MTA3: variants seen among roughly 807,000 people sequenced by gnomAD.
MTA3 encodes metastasis associated 1 family member 3.
Under a neutral mutation model 83.5 loss-of-function variants are expected in MTA3, and 34 were observed. The ratio of observed to expected loss-of-function variants is 0.41; its 90% CI spans 0.31 to 0.54. The LOEUF is 0.54. Ranked by LOEUF, MTA3 falls within the 20% of genes least tolerant of loss-of-function variation. MTA3 has a pLI of 0.33. For missense variants in MTA3, 761 were observed against 726.4 expected (o/e 1.05, Z -0.55); for synonymous variants, 303 against 252.7 (o/e 1.20, Z -1.89).
chr2:42,605,772 T>C (rs1165498772), intron 3 of MTA3, among the ~76,000 whole-genome samples: 4 of 108,062 alleles, frequency 3.7e-5, no homozygotes, highest in African/African-American at 7.2e-5. Flanking sequence ...GGCTCCTCAC[T>C]TCCCAGAAGG....
intron 3 of MTA3, among the ~76,000 whole-genome samples, chr2:42,590,859 G>A (rs1680905095): frequency 6.6e-6 from 1 of 152,008 alleles, no homozygotes; most frequent in Non-Finnish European, 1.5e-5. Context: ...GACCTCAAGT[G>A]ATCTGCCCGC....
intron 2 of MTA3, among the ~76,000 whole-genome samples, chr2:42,498,464 A>G (rs1048392099): frequency 3.9e-5 from 6 of 152,222 alleles, no homozygotes; most frequent in Non-Finnish European, 7.3e-5. Flanking sequence ...AGAGGGAAAT[A>G]ACAGGTTGGG....
intron 3 of MTA3, among the ~76,000 whole-genome samples, chr2:42,601,885 GT>G (rs1160342694): frequency 6.6e-6 from 1 of 151,702 alleles, no homozygotes; most frequent in African/African-American, 2.4e-5. Flanking sequence ...TGTTGTCCAG[GT>G]TGGAGTGCAG....
At chr2:42,602,949 G>A (rs1172202753) in intron 3 of MTA3, among the ~76,000 whole-genome samples, 4 of 152,018 alleles carry the variant, frequency 2.6e-5, no homozygotes, top group Admixed American at 2.0e-4. Context: ...AATTTCCTCT[G>A]TCATGCTTCC....
rs745837951 is a variant in MTA3 at position 42,670,700 on chromosome 2, G to A, written c.702+10838G>A. 5.0e-4 allele frequency among the ~76,000 whole-genome samples: 76 copies of A among 151,924 alleles called. 1 individual carries two copies. Among genetic ancestry groups the A allele is most frequent in the Non-Finnish European group, 7.5e-4 (51 of 67,994 alleles). On this transcript the variant is annotated intron_variant, in intron 8 of 16. Coordinates refer to ENST00000405094, the MANE Select transcript of MTA3 (RefSeq NM_001330442.2). ...CTAGTCTGATCTGCTGGGGCCTAGT[G>A]CGAGAGCTCAGTCCAAAATAATGGC...
intron 2 of MTA3, among the ~76,000 whole-genome samples, chr2:42,554,387 C>A (rs139888321): frequency 2.6e-5 from 4 of 152,294 alleles, no homozygotes; most frequent in African/African-American, 7.2e-5. Context: ...AAGTGTTGAA[C>A]TGAGTTGAAC....
intron 15 of MTA3, among the ~76,000 whole-genome samples, chr2:42,722,327 A>G (rs1667470996): frequency 6.6e-6 from 1 of 152,174 alleles, no homozygotes. Flanking sequence ...AAAGCATTTC[A>G]TCTACCTCTT....
At chr2:42,532,802 C>G in intron 2 of MTA3, 1 of 378,454 alleles carries the variant, frequency 2.6e-6, no homozygotes, top group Non-Finnish European at 5.3e-6. Flanking sequence ...GCAGCTCGGG[C>G]TCCTTCCCAT....
intron 3 of MTA3, among the ~76,000 whole-genome samples, chr2:42,603,081 C>T (rs1000442121): frequency 2.7e-5 from 4 of 150,180 alleles, no homozygotes; most frequent in Admixed American, 6.7e-5. Context: ...CCTCAGAACA[C>T]GTTGGTAGGC....
At chr2:42,568,629 C>T (rs946448232), upstream of MTA3, 8 of 579,450 alleles carry the variant, frequency 1.4e-5, no homozygotes, top group East Asian at 4.8e-5. Context: ...TCCCTTCCCC[C>T]CCGTGGCGAG....
chr2:42,538,214 C>G (rs932759887), intron 2 of MTA3, among the ~76,000 whole-genome samples: 1 of 151,952 alleles, frequency 6.6e-6, no homozygotes, highest in African/African-American at 2.4e-5. Flanking sequence ...GCCTGGGCGA[C>G]ACAGCGAGAC....
intron 8 of MTA3, among the ~76,000 whole-genome samples, chr2:42,667,399 C>CT (rs1050545634): frequency 2.6e-5 from 4 of 152,094 alleles, no homozygotes; most frequent in Non-Finnish European, 5.9e-5. Context: ...CCATTAAACT[C>CT]TAACTCTCCA....
intron 2 of MTA3, among the ~76,000 whole-genome samples, chr2:42,561,673 G>C (rs945324019): frequency 2.2e-5 from 3 of 135,682 alleles, no homozygotes; most frequent in African/African-American, 8.8e-5. Flanking sequence ...GCTAGGAGGA[G>C]AGACAAACCA....
Position 42,723,394 on chromosome 2 carries a change from C to T in MTA3, c.1759+359C>T, listed in dbSNP as rs114940252. 1,025 of 191,716 alleles carry T rather than the reference C, an allele frequency of 5.3e-3. 3 individuals carry two copies. Among genetic ancestry groups the T allele is most frequent in the Non-Finnish European group, 9.2e-3 (854 of 92,954 alleles). 11.9% of individuals were successfully genotyped at this position (191,716 alleles called of 1,614,324 possible). A position where few individuals can be genotyped will look rare whatever the true frequency, so the allele number is the denominator to read the frequency against. ...TTATTTTGCCTTATGTCTAAGACAT[C>T]AGTGTTCTCTGGGGGTTCTTCAGTG... is the stretch of plus-strand genomic sequence containing the variant. On this transcript the variant is annotated intron_variant, in intron 16 of 16. Transcript: ENST00000405094.
chr2:42,662,540 G>C (rs904675225), intron 8 of MTA3, among the ~76,000 whole-genome samples: 1 of 151,276 alleles, frequency 6.6e-6, no homozygotes, highest in Non-Finnish European at 1.5e-5. Flanking sequence ...TCATATTTTA[G>C]GTTCCTAGAT....
At chr2:42,499,628 A>G (rs915207446) in intron 2 of MTA3, among the ~76,000 whole-genome samples, 2 of 151,382 alleles carry the variant, frequency 1.3e-5, no homozygotes, top group African/African-American at 2.4e-5. Context: ...CGTCTCTACT[A>G]AAAATACAAA....
Position 42,756,051 on chromosome 2 carries a change from A to T in MTA3, c.*2652A>T. The stretch of plus-strand genomic sequence containing the variant: ...AAATGGATTTCAAGTGGGGGTTTTC[A>T]TCCAGAGATTTGTTTAACACAAAAC... On this transcript the variant is annotated 3_prime_UTR_variant, in exon 17 of 17. Transcript: ENST00000405094. The T allele has an allele frequency of 1.0e-5, 10 of 977,798 alleles. No individual in the cohort carries two copies. Among genetic ancestry groups the T allele is most frequent in the Non-Finnish European group, 1.2e-5 (10 of 822,964 alleles). The allele number at this position is 977,798 out of a possible 1,614,324, so 60.6% of individuals were successfully genotyped here.
At chr2:42,558,667 C>T (rs1677514986) in intron 2 of MTA3, among the ~76,000 whole-genome samples, 1 of 151,770 alleles carries the variant, frequency 6.6e-6, no homozygotes, top group Non-Finnish European at 1.5e-5. Flanking sequence ...AATTCTCCTT[C>T]CTCCCAAGTA....
intron 8 of MTA3, among the ~76,000 whole-genome samples, chr2:42,666,456 C>G (rs1189744151): frequency 6.6e-6 from 1 of 152,116 alleles, no homozygotes; most frequent in Non-Finnish European, 1.5e-5. Context: ...CCCAAACAGT[C>G]CTCCGTCCTC....
Sources: allele counts gnomAD v4.1 joint callset (sites outside exome capture counted in the v4.1 genomes callset), GRCh38; gene constraint gnomAD v4.1.1; transcripts MANE v1.5; gene names NCBI Gene and HGNC (gene_info 2026-07-23, HGNC 2026-07-21).